The following COL25A1 variants were observed in gnomAD, a reference collection of about 807,000 sequenced individuals.
COL25A1 encodes the protein collagen alpha-1(XXV) chain.
In COL25A1, 103 loss-of-function variants were observed where a neutral mutation model predicts 128.4. That is an observed-to-expected ratio of 0.80 (90% CI 0.68 to 0.94). The LOEUF (loss-of-function observed/expected upper bound fraction) is 0.94, where lower values mean the gene tolerates loss of function less well. Ranked by LOEUF, COL25A1 falls within the 40% of genes least tolerant of loss-of-function variation. The pLI is 0.00. For missense variants in COL25A1, 745 were observed against 840.0 expected (o/e 0.89, Z 1.40); for synonymous variants, 279 against 277.2 (o/e 1.01, Z -0.06).
rs1175132836 is a variant in COL25A1 at position 108,812,071 on chromosome 4, T to C, written c.*1856A>G. 6.6e-6 allele frequency: 1 copy of C among 152,198 alleles called. No individual in the cohort carries two copies. The highest frequency in any genetic ancestry group is 1.5e-5 in the Non-Finnish European group (1 of 68,024). The allele number at this position is 152,198 out of a possible 1,614,324, so 9.4% of individuals were successfully genotyped here. On this transcript the variant is annotated 3_prime_UTR_variant, in exon 38 of 38. Coordinates refer to ENST00000399132, the MANE Select transcript of COL25A1 (RefSeq NM_198721.4). ...GGGCTGAAAGGGTGCCTACTCCTCA[T>C]TGATAATGTTTCTTTCAATGTAACA... is the stretch of plus-strand genomic sequence containing the variant.
In COL25A1 at chr4:108,825,238, A is replaced by G. The variant is rs752513449; in HGVS notation, c.1765-16T>C. 3 of 1,609,008 alleles carry G rather than the reference A, an allele frequency of 1.9e-6. No homozygotes were observed. In the South Asian group the frequency reaches 3.3e-5, roughly 18 times the overall value. ...CATCTTTCCCCTGCCAAAGAACCATAGTAGCTACATTAGTGTTTCTAAGTT... is the reference window on the plus strand; with the variant it reads ...CATCTTTCCCCTGCCAAAGAACCATGGTAGCTACATTAGTGTTTCTAAGTT... On this transcript the variant is annotated splice_polypyrimidine_tract_variant and intron_variant, in intron 33 of 37. Coordinates refer to ENST00000399132, the MANE Select transcript of COL25A1 (RefSeq NM_198721.4).
At chr4:108,961,640 C>CTGTGT (rs1180326676) in intron 8 of COL25A1, among the ~76,000 whole-genome samples, 2 of 100,226 alleles carry the variant, frequency 2.0e-5, no homozygotes, top group Non-Finnish European at 4.4e-5. Flanking sequence ...TTGTGTTGTG[C>CTGTGT]TGTGTTGTGT....
chr4:109,239,501 G>A (rs1779736563), intron 3 of COL25A1, among the ~76,000 whole-genome samples: 1 of 149,440 alleles, frequency 6.7e-6, no homozygotes, highest in Non-Finnish European at 1.5e-5. Flanking sequence ...TAACACAATG[G>A]TATTTGTATG....
rs1755419356 is a variant in COL25A1 at position 109,001,524 on chromosome 4, G to C, written c.438+8834C>G. Among the ~76,000 whole-genome samples, 4 of 93,828 alleles carry C rather than the reference G, an allele frequency of 4.3e-5. No individual in the cohort carries two copies. The Admixed American group carries it at 5.0e-4, about 12-fold the overall frequency. 61.6% of individuals were successfully genotyped at this position (93,828 alleles called of 152,430 possible). A position where few individuals can be genotyped will look rare whatever the true frequency, so the allele number is the denominator to read the frequency against. On this transcript the variant is annotated intron_variant, in intron 6 of 37. Coordinates refer to ENST00000399132, the MANE Select transcript of COL25A1 (RefSeq NM_198721.4). ...CCTGTCAGTAATGAGGAAAGGGAAA[G>C]GAGAACTGGGATGAAGAGTATAAGG...
chr4:109,302,418 G>A lies in COL25A1; in HGVS notation c.-306C>T, dbSNP rs1376956924. On this transcript the variant is annotated 5_prime_UTR_variant, in exon 1 of 38. Coordinates refer to ENST00000399132, the MANE Select transcript of COL25A1 (RefSeq NM_198721.4). Reference sequence around the variant, plus strand: ...GCCACGCGGGGCCGCGGCTCGCCCTGGCCACGGAGGACCGGACCTGTTGCG... The same window carrying A: ...GCCACGCGGGGCCGCGGCTCGCCCTAGCCACGGAGGACCGGACCTGTTGCG... 4.8e-6 allele frequency: 1 copy of A among 209,864 alleles called. No homozygotes were observed. Among genetic ancestry groups the A allele is most frequent in the Non-Finnish European group, 9.4e-6 (1 of 106,360 alleles). The allele number at this position is 209,864 out of a possible 1,614,324, so 13.0% of individuals were successfully genotyped here.
intron 3 of COL25A1, among the ~76,000 whole-genome samples, chr4:109,061,352 G>A (rs1761956494): frequency 6.6e-6 from 1 of 152,068 alleles, no homozygotes; most frequent in African/African-American, 2.4e-5. Context: ...GGTTAACACA[G>A]TTCAATTTTA....
intron 3 of COL25A1, among the ~76,000 whole-genome samples, chr4:109,281,158 T>A (rs1191082045): frequency 6.6e-6 from 1 of 152,188 alleles, no homozygotes; most frequent in Admixed American, 6.5e-5. Flanking sequence ...TCTAAATAAG[T>A]GTAGTTAACT....
intron 8 of COL25A1, among the ~76,000 whole-genome samples, chr4:108,946,865 G>C (rs1578854887): frequency 1.3e-5 from 2 of 152,156 alleles, no homozygotes; most frequent in South Asian, 4.1e-4. Flanking sequence ...TTGTGAGATT[G>C]TGTCTTAGAA....
At chr4:109,082,631 T>TA in intron 3 of COL25A1, among the ~76,000 whole-genome samples, 1 of 152,268 alleles carries the variant, frequency 6.6e-6, no homozygotes, top group East Asian at 1.9e-4. Flanking sequence ...TTGACCATTT[T>TA]AAAATTGGTT....
intron 30 of COL25A1, among the ~76,000 whole-genome samples, chr4:108,843,173 G>A (rs1229570260): frequency 5.0e-5 from 7 of 140,092 alleles, no homozygotes; most frequent in Admixed American, 1.4e-4. Flanking sequence ...AAAAAAAAGA[G>A]GAAGAAGAAG....
At chr4:109,271,737 G>T (rs1782211316) in intron 3 of COL25A1, among the ~76,000 whole-genome samples, 1 of 152,148 alleles carries the variant, frequency 6.6e-6, no homozygotes, top group Non-Finnish European at 1.5e-5. Context: ...TCATACCAAT[G>T]ATTTCCTTCT....
chr4:109,084,667 T>G (rs939157689), intron 3 of COL25A1, among the ~76,000 whole-genome samples: 2 of 152,350 alleles, frequency 1.3e-5, no homozygotes, highest in Non-Finnish European at 2.9e-5. Context: ...CATCAGGTTT[T>G]TATGCCCTAT....
At position 109,302,374 on chromosome 4, in the gene COL25A1, C is replaced by G. The variant is rs1030272183; in HGVS notation, c.-262G>C. 4 of 232,000 alleles carry G rather than the reference C, an allele frequency of 1.7e-5. No homozygotes were observed. Among genetic ancestry groups the G allele is most frequent in the Non-Finnish European group, 3.3e-5 (4 of 120,594 alleles). The allele number at this position is 232,000 out of a possible 1,614,324, so 14.4% of individuals were successfully genotyped here. ...GCCCCAACAGTGGCCGCTCAGGGTC[C>G]GAGGGCAACGGCCGAGGCGCCACGC... On this transcript the variant is annotated 5_prime_UTR_variant, in exon 1 of 38. Transcript: ENST00000399132.
intron 3 of COL25A1, among the ~76,000 whole-genome samples, chr4:109,181,769 T>TA (rs1774648903): frequency 6.6e-6 from 1 of 152,100 alleles, no homozygotes; most frequent in African/African-American, 2.4e-5. Flanking sequence ...TTATTAACTA[T>TA]AGTCACCATG....
At chr4:108,817,637 A>G (rs1214774313) in intron 36 of COL25A1, among the ~76,000 whole-genome samples, 1 of 152,254 alleles carries the variant, frequency 6.6e-6, no homozygotes, top group African/African-American at 2.4e-5. Flanking sequence ...CAGAGTGAGT[A>G]CACATTTTGA....
At chr4:108,887,109 T>C (rs7675745) in intron 18 of COL25A1, among the ~76,000 whole-genome samples, 80,010 of 151,610 alleles carry the variant, frequency 0.53, 22,338 homozygotes, top group East Asian at 0.93. Context: ...TACTAAACTC[T>C]CGAGGCTATA....
At chr4:109,059,200 T>C (rs1166097482) in intron 3 of COL25A1, among the ~76,000 whole-genome samples, 1 of 152,214 alleles carries the variant, frequency 6.6e-6, no homozygotes, top group Non-Finnish European at 1.5e-5. Flanking sequence ...CTGTACATGC[T>C]TGGTCTCACT....
At chr4:108,830,390 G>T (rs1732938015) in intron 32 of COL25A1, among the ~76,000 whole-genome samples, 1 of 152,138 alleles carries the variant, frequency 6.6e-6, no homozygotes, top group Non-Finnish European at 1.5e-5. Flanking sequence ...TTTCATTCGG[G>T]TTCTTTAATT....
At chr4:109,162,715 G>A (rs191870334) in intron 3 of COL25A1, among the ~76,000 whole-genome samples, 3 of 152,262 alleles carry the variant, frequency 2.0e-5, no homozygotes, top group Admixed American at 2.0e-4. Flanking sequence ...TTACTGGACC[G>A]TAACAGCTGA....
Sources: allele counts gnomAD v4.1 joint callset (sites outside exome capture counted in the v4.1 genomes callset), GRCh38; gene constraint gnomAD v4.1.1; transcripts MANE v1.5; gene names NCBI Gene and HGNC (gene_info 2026-07-23, HGNC 2026-07-21).